CNTNAP2: variants seen among roughly 807,000 people sequenced by gnomAD.
CNTNAP2 encodes contactin associated protein 2, also known as contactin-associated protein-like 2.
A neutral mutation model predicts 155.2 loss-of-function variants in CNTNAP2; 98 were observed. The observed-to-expected ratio is 0.63, with a 90% CI of 0.54 to 0.75. The LOEUF is 0.75. CNTNAP2 is among the 30% of genes least tolerant of loss of function. The pLI is 0.00. For missense variants in CNTNAP2, 1,727 were observed against 1,688.1 expected, an observed-to-expected ratio of 1.02 and a Z score of -0.40; for synonymous variants, 651 against 631.2, an observed-to-expected ratio of 1.03 and a Z score of -0.47.
chr7:147,791,636 C>T (rs759300141), intron 13 of CNTNAP2, among the ~76,000 whole-genome samples: 9 of 152,186 alleles, frequency 5.9e-5, no homozygotes, highest in Middle Eastern at 3.4e-3. Flanking sequence ...ACACAGTTTG[C>T]ACTGTACTCT....
chr7:147,307,097 C>T (rs1453448292), intron 9 of CNTNAP2, among the ~76,000 whole-genome samples: 1 of 152,130 alleles, frequency 6.6e-6, no homozygotes, highest in Non-Finnish European at 1.5e-5. Context: ...GAAGCATAAG[C>T]TTAAAACCAT....
At chr7:147,089,637 T>C (rs576333289) in intron 4 of CNTNAP2, among the ~76,000 whole-genome samples, 150 of 152,322 alleles carry the variant, frequency 9.8e-4, no homozygotes, top group African/African-American at 3.5e-3. Context: ...GGGTAGGAGT[T>C]AACTAAGTTT....
In CNTNAP2 at chr7:146,200,120, G is replaced by A. The variant is rs534684972; in HGVS notation, c.97+83147G>A. ...TTTTCCAAGACTAGAGCCATTATAA[G>A]CTGAAATATAGGTAGAGCCAGGTGC... On this transcript the variant is annotated intron_variant, in intron 1 of 23. Coordinates refer to ENST00000361727, the MANE Select transcript of CNTNAP2 (RefSeq NM_014141.6). Among the ~76,000 whole-genome samples the A allele has an allele frequency of 3.9e-5, 6 of 152,266 alleles. No individual in the cohort carries two copies. In the South Asian group the frequency reaches 1.0e-3, roughly 26 times the overall value.
At chr7:146,599,980 G>A (rs940292582) in intron 1 of CNTNAP2, among the ~76,000 whole-genome samples, 4 of 151,962 alleles carry the variant, frequency 2.6e-5, no homozygotes, top group Admixed American at 1.3e-4. Context: ...TCTGAAACAT[G>A]TTTCTCTGGG....
chr7:148,046,245 C>A (rs928324864), intron 15 of CNTNAP2, among the ~76,000 whole-genome samples: 2 of 152,082 alleles, frequency 1.3e-5, no homozygotes, highest in Non-Finnish European at 2.9e-5. Context: ...TGTGCCCAGC[C>A]AGTACCTGGT....
intron 1 of CNTNAP2, among the ~76,000 whole-genome samples, chr7:146,322,681 T>C (rs997630268): frequency 7.5e-6 from 1 of 132,906 alleles, no homozygotes; most frequent in Admixed American, 8.4e-5. Context: ...TGACACTCAG[T>C]AGGTCTTCCC....
At chr7:147,288,932 C>T (rs1357393983) in intron 8 of CNTNAP2, among the ~76,000 whole-genome samples, 1 of 152,106 alleles carries the variant, frequency 6.6e-6, no homozygotes, top group East Asian at 1.9e-4. Context: ...TGTACTTTGT[C>T]TTTATACATA....
intron 15 of CNTNAP2, among the ~76,000 whole-genome samples, chr7:148,029,950 A>C (rs1023775782): frequency 2.0e-5 from 3 of 152,234 alleles, no homozygotes; most frequent in African/African-American, 7.2e-5. Context: ...AGTGTTTAAA[A>C]TTATTTTTAC....
intron 12 of CNTNAP2, among the ~76,000 whole-genome samples, chr7:147,620,928 A>T (rs1307545981): frequency 6.6e-6 from 1 of 152,208 alleles, no homozygotes; most frequent in Admixed American, 6.5e-5. Context: ...GACTAGCTCA[A>T]GGCATTTAAT....
chr7:147,961,434 C>T (rs1011284830), intron 14 of CNTNAP2, among the ~76,000 whole-genome samples: 1 of 152,076 alleles, frequency 6.6e-6, no homozygotes, highest in East Asian at 1.9e-4. Flanking sequence ...AAAAGATATA[C>T]GTGGAGAAGG....
chr7:147,669,764 C>A (rs1305141683), intron 13 of CNTNAP2, among the ~76,000 whole-genome samples: 1 of 152,210 alleles, frequency 6.6e-6, no homozygotes, highest in African/African-American at 2.4e-5. Context: ...GGACTCATCT[C>A]TTGGTCTTCT....
intron 1 of CNTNAP2, among the ~76,000 whole-genome samples, chr7:146,348,264 T>TA (rs1484490640): frequency 1.1e-4 from 16 of 151,390 alleles, no homozygotes; most frequent in South Asian, 4.2e-4. Context: ...ACTAAAAATA[T>TA]AAAAAAACAA....
chr7:147,210,822 C>T (rs1803130945), intron 8 of CNTNAP2, among the ~76,000 whole-genome samples: 2 of 151,840 alleles, frequency 1.3e-5, no homozygotes, highest in Admixed American at 1.3e-4. Context: ...CCTTAATTTT[C>T]CTGTTCATTC....
chr7:147,968,738 A>G (rs1417458191), intron 14 of CNTNAP2, among the ~76,000 whole-genome samples: 1 of 152,188 alleles, frequency 6.6e-6, no homozygotes, highest in Non-Finnish European at 1.5e-5. Context: ...CAGTGATGCC[A>G]GGAACGTTCC....
chr7:148,413,442 A>AATATATATATATATATATATG, intron 23 of CNTNAP2, among the ~76,000 whole-genome samples: 5 of 106,440 alleles, frequency 4.7e-5, no homozygotes, highest in African/African-American at 1.7e-4. Context: ...ATATATATAT[A>AATATATATATATATATATATG]TATATTGCTC....
intron 20 of CNTNAP2, among the ~76,000 whole-genome samples, chr7:148,247,625 C>CTCTCTCTCTATT (rs373741779): frequency 9.5e-6 from 1 of 105,314 alleles, no homozygotes; most frequent in Non-Finnish European, 1.8e-5. Context: ...CTCTCTCTCT[C>CTCTCTCTCTATT]TATTTATTTA....
At chr7:146,598,259 T>G (rs1222574294) in intron 1 of CNTNAP2, among the ~76,000 whole-genome samples, 1 of 152,136 alleles carries the variant, frequency 6.6e-6, no homozygotes, top group Non-Finnish European at 1.5e-5. Context: ...TTTCTCGATT[T>G]TACCTTTCTA....
At chr7:146,163,028 G>A (rs1382547538) in intron 1 of CNTNAP2, among the ~76,000 whole-genome samples, 3 of 151,870 alleles carry the variant, frequency 2.0e-5, no homozygotes, top group Non-Finnish European at 4.4e-5. Flanking sequence ...GAGAGAGGAG[G>A]GATAACATTG....
chr7:146,328,630 C>T (rs1801134152), intron 1 of CNTNAP2, among the ~76,000 whole-genome samples: 1 of 151,848 alleles, frequency 6.6e-6, no homozygotes, highest in Non-Finnish European at 1.5e-5. Context: ...GTATATAGGT[C>T]CTCAGAACTT....
Sources: allele counts gnomAD v4.1 joint callset (sites outside exome capture counted in the v4.1 genomes callset), GRCh38; gene constraint gnomAD v4.1.1; transcripts MANE v1.5; gene names NCBI Gene and HGNC (gene_info 2026-07-23, HGNC 2026-07-21).